The following BRD7 variants were observed in gnomAD, a reference collection of about 807,000 sequenced individuals.
BRD7 encodes bromodomain containing 7.
A neutral mutation model predicts 82.1 loss-of-function variants in BRD7; 15 were observed. That is an observed-to-expected ratio of 0.18 (90% CI 0.12 to 0.28). The LOEUF (loss-of-function observed/expected upper bound fraction) is 0.28. BRD7 is among the 10% of genes least tolerant of loss of function. BRD7 has a pLI of 1.00. For missense variants in BRD7, 638 were observed against 779.9 expected, an observed-to-expected ratio of 0.82 and a Z score of 2.17; for synonymous variants, 232 against 266.9, an observed-to-expected ratio of 0.87 and a Z score of 1.27.
intron 11 of BRD7, 24 bp from the exon 12 acceptor site, chr16:50,323,722 C>T (rs2151136018): frequency 1.3e-6 from 2 of 1,573,884 alleles, no homozygotes; most frequent in East Asian, 4.5e-5. Flanking sequence ...TTAGGAAAGT[C>T]TCACATAAAT....
At chr16:50,359,553 A>T (rs961949696) in intron 2 of BRD7, among the ~76,000 whole-genome samples, 1 of 152,230 alleles carries the variant, frequency 6.6e-6, no homozygotes, top group African/African-American at 2.4e-5. Context: ...GAAACAGCAG[A>T]GATGTTCATT....
chr16:50,326,632 C>T (rs1411965334), intron 9 of BRD7, among the ~76,000 whole-genome samples: 1 of 152,180 alleles, frequency 6.6e-6, no homozygotes, highest in African/African-American at 2.4e-5. Flanking sequence ...TCTTTATAAT[C>T]ATGTACACTT....
chr16:50,360,843 A>G (rs1378668737), intron 2 of BRD7, among the ~76,000 whole-genome samples: 1 of 152,204 alleles, frequency 6.6e-6, no homozygotes, highest in East Asian at 1.9e-4. Context: ...TTCCTTGGAA[A>G]GGTCTTTTGG....
chr16:50,328,868 T>A, intron 8 of BRD7, 124 bp from the exon 9 acceptor site: 5 of 749,926 alleles, frequency 6.7e-6, no homozygotes, highest in Non-Finnish European at 1.1e-5. Flanking sequence ...TTTTGGAATA[T>A]TTACATATAC....
chr16:50,324,184 C>T (rs1404641046), intron 11 of BRD7, among the ~76,000 whole-genome samples: 1 of 152,186 alleles, frequency 6.6e-6, no homozygotes, highest in Non-Finnish European at 1.5e-5. Context: ...ATAGCAACTG[C>T]AGTCTTCCAG....
intron 7 of BRD7, 148 bp downstream of exon 7, chr16:50,334,563 C>T: frequency 1.2e-6 from 1 of 859,970 alleles, no homozygotes; most frequent in Non-Finnish European, 1.8e-6. Flanking sequence ...AGGGGTATCA[C>T]ACCATCAAAA....
chr16:50,354,367 A>G, intron 4 of BRD7, 58 bp downstream of exon 4: 1 of 1,417,960 alleles, frequency 7.1e-7, no homozygotes, highest in Non-Finnish European at 9.9e-7. Context: ...TGTGGTTTGG[A>G]TCCTACACAT....
intron 6 of BRD7, among the ~76,000 whole-genome samples, chr16:50,338,682 T>C (rs541209614): frequency 1.2e-4 from 19 of 152,332 alleles, no homozygotes; most frequent in Middle Eastern, 3.4e-3. Flanking sequence ...CTCTCTACTC[T>C]ACCTCTTATC....
At chr16:50,366,662 T>C (rs1389789563) in intron 2 of BRD7, among the ~76,000 whole-genome samples, 1 of 152,204 alleles carries the variant, frequency 6.6e-6, no homozygotes, top group Non-Finnish European at 1.5e-5. Context: ...AATAGCAATA[T>C]AAACCTTTAT....
chr16:50,337,720 C>T (rs1450108769), intron 6 of BRD7, among the ~76,000 whole-genome samples: 1 of 152,130 alleles, frequency 6.6e-6, no homozygotes, highest in African/African-American at 2.4e-5. Context: ...GCTGGGCTCT[C>T]TTGGAGCACA....
At chr16:50,334,925 A>T (rs1299951803) in intron 6 of BRD7, 30 bp from the exon 7 acceptor site, 1 of 1,594,900 alleles carries the variant, frequency 6.3e-7, no homozygotes, top group Non-Finnish European at 8.5e-7. Context: ...TTCTTATTAT[A>T]TGTTTGTCAT....
rs865777010 is a variant in BRD7, at chr16:50,346,126, C to T, written c.591+3897G>A. 5.3e-5 allele frequency among the ~76,000 whole-genome samples: 8 copies of T among 152,148 alleles called. No individual in the cohort carries two copies. In the East Asian group the frequency reaches 1.2e-3, roughly 22 times the overall value. Reference sequence around the variant, plus strand: ...CAGGATTAAGAAACTCACTCAAAACCGCTCAACTACATGGAAACTGAACAA... The same window carrying T: ...CAGGATTAAGAAACTCACTCAAAACTGCTCAACTACATGGAAACTGAACAA... On this transcript the variant is annotated intron_variant, in intron 5 of 16. Transcript: ENST00000394688.
intron 5 of BRD7, among the ~76,000 whole-genome samples, chr16:50,344,124 C>A (rs923054724): frequency 9.9e-5 from 6 of 60,482 alleles, no homozygotes; most frequent in African/African-American, 3.9e-4. Context: ...TGTTCTGCAG[C>A]CTCTGCTGGT....
rs958132354 is a variant in BRD7 at position 50,326,218 on chromosome 16, G to A, written c.1195+66C>T. 5 of 1,297,376 alleles carry A rather than the reference G, an allele frequency of 3.9e-6. No individual in the cohort carries two copies. In the African/African-American group the frequency reaches 4.4e-5, roughly 11 times the overall value. 80.4% of individuals were successfully genotyped at this position (1,297,376 alleles called of 1,614,324 possible). On this transcript the variant is annotated intron_variant, in intron 10 of 16. Coordinates refer to ENST00000394688, the MANE Select transcript of BRD7 (RefSeq NM_013263.5). ...CCCACCTAGTGAATAAAGCATAATC[G>A]TGCTTCCTTTCCCTAATATCCCAAA...
chr16:50,339,672 T>C (rs1001783165), intron 6 of BRD7, among the ~76,000 whole-genome samples: 7 of 152,226 alleles, frequency 4.6e-5, no homozygotes, highest in Admixed American at 3.3e-4. Context: ...TTCAGAGTTC[T>C]CACAATTCAG....
At chr16:50,357,801 C>T (rs766061783) in intron 2 of BRD7, among the ~76,000 whole-genome samples, 4 of 151,972 alleles carry the variant, frequency 2.6e-5, no homozygotes, top group African/African-American at 9.7e-5. Context: ...GCCAACAAAG[C>T]GAAACTCCAT....
intron 11 of BRD7, among the ~76,000 whole-genome samples, chr16:50,324,150 C>A (rs1394702701): frequency 1.3e-5 from 2 of 152,084 alleles, no homozygotes; most frequent in East Asian, 1.9e-4. Flanking sequence ...AAGTAATGTT[C>A]CAAAGCTTCC....
chr16:50,317,586 A>G lies in BRD7; in HGVS notation c.*1625T>C, dbSNP rs991629921. 6.6e-6 allele frequency: 1 copy of G among 152,358 alleles called. No individual in the cohort carries two copies. Among genetic ancestry groups the G allele is most frequent in the African/African-American group, 2.4e-5 (1 of 41,446 alleles). The allele number at this position is 152,358 out of a possible 1,614,324, so 9.4% of individuals were successfully genotyped here. On this transcript the variant is annotated 3_prime_UTR_variant, in exon 17 of 17. Coordinates refer to ENST00000394688, the MANE Select transcript of BRD7 (RefSeq NM_013263.5). ...ACTCACTCATGCATTTTTATTTCCA[A>G]TTAAAGCAAAGCACTGTGCTGTGCT...
In BRD7 at chr16:50,325,894, A is replaced by C. The variant is rs2037318748; in HGVS notation, c.1196-11T>G. The C allele has an allele frequency of 6.3e-7, 1 of 1,579,960 alleles. No individual in the cohort carries two copies. The highest frequency in any genetic ancestry group is 1.4e-5 in the African/African-American group (1 of 72,924). ...AATTCAAATATAACACTGTTGAAAAAATCAAATACTGTAACACTATTCTTT... is the reference window on the plus strand; with the variant it reads ...AATTCAAATATAACACTGTTGAAAACATCAAATACTGTAACACTATTCTTT... On this transcript the variant is annotated splice_polypyrimidine_tract_variant and intron_variant, in intron 10 of 16. Transcript: ENST00000394688.
Sources: gnomAD v4.1 joint callset for allele counts (sites outside exome capture counted in the v4.1 genomes callset) on GRCh38, gnomAD v4.1.1 for gene constraint, MANE v1.5 for transcripts, NCBI Gene and HGNC (gene_info 2026-07-23, HGNC 2026-07-21) for gene names.